GALNT14: variants seen among roughly 807,000 people sequenced by gnomAD.
GALNT14 encodes the protein polypeptide N-acetylgalactosaminyltransferase 14, also known as UDP-GalNAc:polypeptide N-acetylgalactosaminyltransferase 14.
GALNT14 carries 60 observed loss-of-function variants against 77.5 expected under a neutral mutation model. That is an observed-to-expected ratio of 0.77 (90% CI 0.63 to 0.96). The LOEUF (loss-of-function observed/expected upper bound fraction) is 0.96. Among genes scored for constraint, GALNT14 ranks in the 40% least tolerant of loss-of-function variants. The probability of loss-of-function intolerance (pLI) is 0.00; values close to 1 mark genes in which losing one functional copy is unlikely to be tolerated. For missense variants in GALNT14, 710 were observed against 731.0 expected (o/e 0.97, Z 0.33); for synonymous variants, 280 against 281.7 (o/e 0.99, Z 0.06).
chr2:31,094,287 A>T (rs948293031), intron 1 of GALNT14, among the ~76,000 whole-genome samples: 1 of 152,190 alleles, frequency 6.6e-6, no homozygotes, highest in East Asian at 1.9e-4. Flanking sequence ...CCCACAAAAC[A>T]TTGTTCCTAA....
At chr2:30,937,524 T>C (rs1666126482) in intron 9 of GALNT14, among the ~76,000 whole-genome samples, 1 of 152,190 alleles carries the variant, frequency 6.6e-6, no homozygotes, top group South Asian at 2.1e-4. Context: ...GGTTCCCTTT[T>C]CCACCTGGCT....
intron 11 of GALNT14, among the ~76,000 whole-genome samples, chr2:30,928,009 T>A (rs1665493061): frequency 6.6e-6 from 1 of 152,096 alleles, no homozygotes; most frequent in Non-Finnish European, 1.5e-5. Context: ...GGACAAGACC[T>A]TTTGAGCTCA....
intron 1 of GALNT14, among the ~76,000 whole-genome samples, chr2:31,111,475 T>C (rs1453789047): frequency 6.6e-6 from 1 of 152,228 alleles, no homozygotes; most frequent in Admixed American, 6.5e-5. Flanking sequence ...GACTAACTGC[T>C]TATTTACCAG....
chr2:31,029,220 G>A (rs1171352329), intron 1 of GALNT14, among the ~76,000 whole-genome samples: 1 of 152,148 alleles, frequency 6.6e-6, no homozygotes, highest in Non-Finnish European at 1.5e-5. Context: ...AGGAAAGGAT[G>A]GACAAGCTCT....
chr2:30,913,520 C>G (rs1419818326), intron 13 of GALNT14, among the ~76,000 whole-genome samples: 1 of 152,194 alleles, frequency 6.6e-6, no homozygotes, highest in African/African-American at 2.4e-5. Flanking sequence ...CTCTCCTGAC[C>G]TCCATGGGCT....
Position 30,932,059 on chromosome 2 carries a change from G to T in GALNT14, c.1058+9C>A. The T allele has an allele frequency of 6.6e-7, 1 of 1,521,612 alleles. No individual in the cohort carries two copies. The highest frequency in any genetic ancestry group is 8.8e-7 in the Non-Finnish European group (1 of 1,131,640). 94.3% of individuals were successfully genotyped at this position (1,521,612 alleles called of 1,614,324 possible). ...GCTGCCCACCCGCGCTGAGCCCCTG[G>T]GCACTTACTTTATATACGTGTTGGC... On this transcript the variant is annotated intron_variant, in intron 10 of 14. Transcript: ENST00000349752.
At chr2:30,932,229 A>G (rs1572988289) in intron 9 of GALNT14, 35 bp from the exon 10 acceptor site, 2 of 1,408,874 alleles carry the variant, frequency 1.4e-6, no homozygotes, top group East Asian at 2.7e-5. Context: ...ATGACCTCTT[A>G]TCACTGCTGC....
chr2:30,971,364 G>A (rs1245781679), intron 2 of GALNT14, among the ~76,000 whole-genome samples: 1 of 152,088 alleles, frequency 6.6e-6, no homozygotes, highest in Non-Finnish European at 1.5e-5. Context: ...AAAGATTGGG[G>A]GCGGGGTGTG....
At chr2:31,128,163 A>G (rs976620536) in intron 1 of GALNT14, among the ~76,000 whole-genome samples, 8 of 152,270 alleles carry the variant, frequency 5.3e-5, no homozygotes, top group African/African-American at 1.9e-4. Flanking sequence ...GGCAGAGCCT[A>G]CATAACTCAA....
intron 1 of GALNT14, among the ~76,000 whole-genome samples, chr2:31,134,395 G>GCTGT (rs1427984685): frequency 6.6e-6 from 1 of 152,248 alleles, no homozygotes; most frequent in African/African-American, 2.4e-5. Flanking sequence ...AAGGCAAAGA[G>GCTGT]CTGTCCCCAT....
At chr2:31,000,956 A>C (rs1461168695) in intron 1 of GALNT14, among the ~76,000 whole-genome samples, 1 of 152,190 alleles carries the variant, frequency 6.6e-6, no homozygotes, top group African/African-American at 2.4e-5. Context: ...CTATATCCCC[A>C]ATTTTCAAAT....
chr2:31,137,547 C>T (rs1163913297), intron 1 of GALNT14, among the ~76,000 whole-genome samples: 3 of 152,150 alleles, frequency 2.0e-5, no homozygotes, highest in Non-Finnish European at 1.5e-5. Context: ...CTGGCAGCTG[C>T]GGGAAGGAGG....
intron 1 of GALNT14, among the ~76,000 whole-genome samples, chr2:31,066,722 C>A (rs902045707): frequency 6.6e-6 from 1 of 152,070 alleles, no homozygotes; most frequent in East Asian, 1.9e-4. Flanking sequence ...CAGAGATGCC[C>A]GCCCAGGCCA....
At chr2:31,010,642 A>G (rs1413077970) in intron 1 of GALNT14, among the ~76,000 whole-genome samples, 1 of 152,064 alleles carries the variant, frequency 6.6e-6, no homozygotes, top group Non-Finnish European at 1.5e-5. Context: ...CGTCTCTCCC[A>G]TTCTGGCTCA....
intron 10 of GALNT14, among the ~76,000 whole-genome samples, chr2:30,930,803 G>A (rs1183380784): frequency 6.6e-6 from 1 of 152,214 alleles, no homozygotes; most frequent in Non-Finnish European, 1.5e-5. Context: ...TGCCTCCCTG[G>A]CCCCTTCCAC....
At chr2:30,895,947 G>A in the GALNT14 span, among the ~76,000 whole-genome samples, 8 of 152,112 alleles carry the variant, frequency 5.3e-5, no homozygotes, top group East Asian at 1.9e-4. Flanking sequence ...CTGATGCCAC[G>A]TCAATTGGGA....
chr2:30,975,668 C>T (rs1043563459), intron 2 of GALNT14, among the ~76,000 whole-genome samples: 2 of 152,000 alleles, frequency 1.3e-5, no homozygotes, highest in Non-Finnish European at 2.9e-5. Flanking sequence ...AATCATTGTC[C>T]TAAGTTGTCC....
rs573636530 is a variant in GALNT14 at position 30,992,645 on chromosome 2, T to G, written c.299+193A>C. On this transcript the variant is annotated intron_variant, in intron 2 of 14. Coordinates refer to ENST00000349752, the MANE Select transcript of GALNT14 (RefSeq NM_024572.4). The stretch of plus-strand genomic sequence containing the variant: ...TGGTGGGACCTGCGGGGTTTGGGAT[T>G]GCTCTCAGCAGTAAGCAGTAGGCAA... Among the ~76,000 whole-genome samples the G allele has an allele frequency of 1.5e-4, 23 of 152,296 alleles. No homozygotes were observed. The East Asian group carries it at 4.1e-3, about 27-fold the overall frequency.
intron 3 of GALNT14, among the ~76,000 whole-genome samples, chr2:30,960,045 C>T (rs530025790): frequency 6.6e-6 from 1 of 152,282 alleles, no homozygotes; most frequent in South Asian, 2.1e-4. Context: ...CCTGGAGCTA[C>T]CATATTTATG....
Sources: gnomAD v4.1 joint callset for allele counts (sites outside exome capture counted in the v4.1 genomes callset) on GRCh38, gnomAD v4.1.1 for gene constraint, MANE v1.5 for transcripts, NCBI Gene and HGNC (gene_info 2026-07-23, HGNC 2026-07-21) for gene names.